The following CACNA1E variants were observed in gnomAD, a reference collection of about 807,000 sequenced individuals.
CACNA1E encodes calcium voltage-gated channel subunit alpha1 E, also known as voltage-dependent R-type calcium channel subunit alpha-1E.
Under a neutral mutation model 259.2 loss-of-function variants are expected in CACNA1E, and 40 were observed. The ratio of observed to expected loss-of-function variants is 0.15; its 90% CI spans 0.12 to 0.20. CACNA1E has a LOEUF of 0.20. Among genes scored for constraint, CACNA1E ranks in the 10% least tolerant of loss-of-function variants. The pLI is 1.00. For missense variants in CACNA1E, 1,874 were observed against 3,040.1 expected (o/e 0.62, Z 9.02); for synonymous variants, 1,104 against 1,138.5 (o/e 0.97, Z 0.61).
intron 7 of CACNA1E, among the ~76,000 whole-genome samples, chr1:181,661,354 A>C (rs923935074): frequency 6.6e-6 from 1 of 152,186 alleles, no homozygotes; most frequent in Non-Finnish European, 1.5e-5. Flanking sequence ...GCTGAAGTAC[A>C]GCGGTGGGGA....
intron 7 of CACNA1E, among the ~76,000 whole-genome samples, chr1:181,654,441 A>G (rs1008777577): frequency 2.0e-5 from 3 of 152,198 alleles, no homozygotes; most frequent in South Asian, 4.1e-4. Flanking sequence ...GAAATTAACA[A>G]AAATCTAAGA....
At chr1:181,482,211 C>A (rs749206473), upstream of CACNA1E, among the ~76,000 whole-genome samples, 21 of 152,214 alleles carry the variant, frequency 1.4e-4, no homozygotes, top group Non-Finnish European at 2.2e-4. Flanking sequence ...GGAGGAGCGG[C>A]GACGCGGCCA....
chr1:181,374,090 T>C (rs1221801340), intron 1 of CACNA1E, among the ~76,000 whole-genome samples: 3 of 152,220 alleles, frequency 2.0e-5, no homozygotes, highest in Admixed American at 6.5e-5. Context: ...CTAGGTATGA[T>C]GTTAGGTTGT....
chr1:181,526,707 A>C (rs1220216871), intron 3 of CACNA1E, among the ~76,000 whole-genome samples: 1 of 152,228 alleles, frequency 6.6e-6, no homozygotes, highest in African/African-American at 2.4e-5. Flanking sequence ...AGGCTCTGGC[A>C]TGACATAGTT....
chr1:181,339,098 G>A (rs1455256444), intron 1 of CACNA1E, among the ~76,000 whole-genome samples: 4 of 152,018 alleles, frequency 2.6e-5, no homozygotes, highest in Non-Finnish European at 4.4e-5. Flanking sequence ...GAAGTATGAT[G>A]CTTCCAACTT....
chr1:181,390,940 G>A (rs1014738086), intron 1 of CACNA1E, among the ~76,000 whole-genome samples: 4 of 152,142 alleles, frequency 2.6e-5, no homozygotes, highest in African/African-American at 4.8e-5. Context: ...CTGATTGGCC[G>A]CCAAACTGCC....
intron 7 of CACNA1E, among the ~76,000 whole-genome samples, chr1:181,693,128 CAAAAAAAAAAAA>C (rs61662957): frequency 1.0e-5 from 1 of 97,848 alleles, no homozygotes; most frequent in Non-Finnish European, 2.0e-5. Flanking sequence ...CTATCTAAAG[CAAAAAAAAAAAA>C]AAAAAAAAAA....
At chr1:181,413,155 C>G (rs1162824139) in exon 2 of CACNA1E, 1 of 152,836 alleles carries the variant, frequency 6.5e-6, no homozygotes, top group South Asian at 2.1e-4. Flanking sequence ...TGATGGTGCC[C>G]GAGATGCGTG....
chr1:181,393,390 C>A (rs1656435217), intron 1 of CACNA1E, among the ~76,000 whole-genome samples: 1 of 152,136 alleles, frequency 6.6e-6, no homozygotes, highest in Non-Finnish European at 1.5e-5. Context: ...GTTATTATTA[C>A]CATTAGTTGT....
chr1:181,335,337 T>C (rs1651618077), intron 1 of CACNA1E, among the ~76,000 whole-genome samples: 1 of 152,260 alleles, frequency 6.6e-6, no homozygotes, highest in Non-Finnish European at 1.5e-5. Flanking sequence ...CTGCACATAA[T>C]GTCCCAAGAC....
chr1:181,795,719 C>T lies in CACNA1E; in HGVS notation c.6208+675C>T, dbSNP rs560033592. Among the ~76,000 whole-genome samples, 8 of 147,928 alleles carry T rather than the reference C, an allele frequency of 5.4e-5. No homozygotes were observed. In the South Asian group the frequency reaches 8.9e-4, roughly 16 times the overall value. ...CCTCCCAAAGTGCTGGGATTACAGGCGTGAGCCGCTGCACCTGGCCTGAAT... is the reference window on the plus strand; with the variant it reads ...CCTCCCAAAGTGCTGGGATTACAGGTGTGAGCCGCTGCACCTGGCCTGAAT... On this transcript the variant is annotated intron_variant, in intron 46 of 47. Transcript: ENST00000367573.
At chr1:181,427,499 C>T (rs985970433) in intron 2 of CACNA1E, among the ~76,000 whole-genome samples, 4 of 150,026 alleles carry the variant, frequency 2.7e-5, no homozygotes, top group African/African-American at 9.8e-5. Flanking sequence ...AAGACTTCCC[C>T]ATCTCAACTG....
At chr1:181,454,075 G>A (rs1398544476) in intron 2 of CACNA1E, among the ~76,000 whole-genome samples, 2 of 152,336 alleles carry the variant, frequency 1.3e-5, no homozygotes, top group South Asian at 2.1e-4. Context: ...AGAGCGTGCA[G>A]GGAAAGAGCT....
At chr1:181,397,747 C>G (rs964436988) in intron 1 of CACNA1E, among the ~76,000 whole-genome samples, 2 of 152,194 alleles carry the variant, frequency 1.3e-5, no homozygotes, top group African/African-American at 4.8e-5. Flanking sequence ...CCGTCTTGTC[C>G]TTCCCTCTCC....
At chr1:181,396,858 A>G (rs540686671) in intron 1 of CACNA1E, among the ~76,000 whole-genome samples, 88 of 152,354 alleles carry the variant, frequency 5.8e-4, no homozygotes, top group African/African-American at 2.1e-3. Context: ...AGAAATCTTA[A>G]AATTGGGAAA....
At chr1:181,630,143 C>A (rs1047968909) in intron 6 of CACNA1E, among the ~76,000 whole-genome samples, 23 of 152,068 alleles carry the variant, frequency 1.5e-4, no homozygotes, top group Non-Finnish European at 3.4e-4. Context: ...GGGCAAGTAA[C>A]TTTTTCTATA....
chr1:181,773,720 A>G (rs1659724770), intron 37 of CACNA1E, among the ~76,000 whole-genome samples: 1 of 152,202 alleles, frequency 6.6e-6, no homozygotes, highest in South Asian at 2.1e-4. Flanking sequence ...GCTCACTGCT[A>G]GGGTGAAATG....
At chr1:181,661,515 G>A (rs774834807) in intron 7 of CACNA1E, among the ~76,000 whole-genome samples, 3 of 152,152 alleles carry the variant, frequency 2.0e-5, no homozygotes, top group Non-Finnish European at 4.4e-5. Context: ...TGAGACTGTA[G>A]GTGGCTGGGG....
At chr1:181,680,351 A>G (rs1259082196) in intron 7 of CACNA1E, among the ~76,000 whole-genome samples, 1 of 152,092 alleles carries the variant, frequency 6.6e-6, no homozygotes, top group Non-Finnish European at 1.5e-5. Context: ...CTGACGTGCT[A>G]TGATGCATGA....
Sources: allele counts gnomAD v4.1 joint callset (sites outside exome capture counted in the v4.1 genomes callset), GRCh38; gene constraint gnomAD v4.1.1; transcripts MANE v1.5; gene names NCBI Gene and HGNC (gene_info 2026-07-23, HGNC 2026-07-21).